Variants in GLIS3 observed in about 807,000 individuals in gnomAD.
GLIS3 encodes zinc finger protein GLIS3.
A neutral mutation model predicts 78.6 loss-of-function variants in GLIS3; 53 were observed. The observed-to-expected ratio is 0.67, with a 90% confidence interval of 0.54 to 0.85. GLIS3 has a LOEUF of 0.85. Among genes scored for constraint, GLIS3 ranks in the 40% least tolerant of loss-of-function variants. The pLI, the probability that GLIS3 is intolerant of heterozygous loss-of-function variation, is 0.00. For synonymous variants in GLIS3, 684 were observed against 509.9 expected (o/e 1.34, Z -4.60); for missense variants, 1,703 against 1,231.1 (o/e 1.38, Z -5.74).
At chr9:4,192,182 T>C (rs1208763649) in intron 2 of GLIS3, among the ~76,000 whole-genome samples, 1 of 152,238 alleles carries the variant, frequency 6.6e-6, no homozygotes, top group Non-Finnish European at 1.5e-5. Flanking sequence ...ACAATCTCTT[T>C]ATCTCCCTGC....
At position 4,118,749 on chromosome 9, in the gene GLIS3, C is replaced by T. The variant is rs377279882; in HGVS notation, c.729G>A (p.Gln243=). Residue 243 remains glutamine, a synonymous_variant, in exon 4 of 11, where the codon CAG becomes CAA. Coordinates refer to ENST00000381971, the MANE Select transcript of GLIS3 (RefSeq NM_001042413.2). The surrounding 1 kb of genome is among the most constrained non-coding windows in gnomAD (Gnocchi z 4.7). Reference sequence around the variant, plus strand: ...GGAGATCCCCTAGATCAAGGCCATTCTGAGAGCCGTGGTTGGAGAGCGAAG... The same window carrying T: ...GGAGATCCCCTAGATCAAGGCCATTTTGAGAGCCGTGGTTGGAGAGCGAAG... The part of the protein sequence containing the change: ...ALPSLSNHGS[Q]NGLDLGDLLS... 1.1e-5 allele frequency: 17 copies of T among 1,613,940 alleles called. 1 individual carries two copies. In the South Asian group the frequency reaches 1.2e-4, roughly 11 times the overall value.
chr9:4,419,456 G>T, the GLIS3 span, among the ~76,000 whole-genome samples: 1 of 152,160 alleles, frequency 6.6e-6, no homozygotes, highest in Non-Finnish European at 1.5e-5. Flanking sequence ...CAAAGTGGGA[G>T]GAGCAAGAGA....
intron 2 of GLIS3, among the ~76,000 whole-genome samples, chr9:4,187,097 T>A (rs1817876012): frequency 6.6e-6 from 1 of 152,230 alleles, no homozygotes. Flanking sequence ...TGGTAATGCC[T>A]AGGTTTTCTT....
intron 9 of GLIS3, among the ~76,000 whole-genome samples, chr9:3,835,510 C>A (rs981352554): frequency 6.6e-6 from 1 of 152,182 alleles, no homozygotes; most frequent in East Asian, 1.9e-4. Flanking sequence ...ATTCAGGGAT[C>A]CAGGCTAAGT....
the GLIS3 span, among the ~76,000 whole-genome samples, chr9:4,449,245 G>A: frequency 2.2e-4 from 33 of 152,164 alleles, no homozygotes; most frequent in African/African-American, 5.1e-4. Flanking sequence ...ATCAACCTGC[G>A]AATCAGCAGC....
chr9:4,305,873 T>C (rs1265149966), intron 4 of GLIS3: 1 of 152,156 alleles, frequency 6.6e-6, no homozygotes, highest in Non-Finnish European at 1.5e-5. Context: ...CACACCTGAT[T>C]TCTACCTGAC....
Position 4,066,571 on chromosome 9 carries a change from C to G in GLIS3, c.1710+51197G>C, listed in dbSNP as rs1827116992. Among the ~76,000 whole-genome samples, 3 of 152,222 alleles carry G rather than the reference C, an allele frequency of 2.0e-5. No individual in the cohort carries two copies. In the South Asian group the frequency reaches 6.2e-4, roughly 31 times the overall value. On this transcript the variant is annotated intron_variant, in intron 4 of 10. Transcript: ENST00000381971. Reference sequence around the variant, plus strand: ...AATGTAAAACTGTACTAAAACTCCTCCTGCTTTCATCTGAGCCTTACAGAA... The same window carrying G: ...AATGTAAAACTGTACTAAAACTCCTGCTGCTTTCATCTGAGCCTTACAGAA...
chr9:4,269,361 T>G (rs946891077), intron 2 of GLIS3, among the ~76,000 whole-genome samples: 1 of 152,212 alleles, frequency 6.6e-6, no homozygotes, highest in Non-Finnish European at 1.5e-5. Context: ...GCTTAAAACC[T>G]ATGTCCACTT....
intron 4 of GLIS3, among the ~76,000 whole-genome samples, chr9:4,079,745 A>G (rs75455763): frequency 1.8e-4 from 25 of 137,506 alleles, no homozygotes; most frequent in Admixed American, 1.5e-3. Flanking sequence ...GATGGATGTG[A>G]AAAAAAAAAA....
the GLIS3 span, among the ~76,000 whole-genome samples, chr9:4,396,909 C>T: frequency 6.6e-6 from 1 of 152,068 alleles, no homozygotes; most frequent in Non-Finnish European, 1.5e-5. Context: ...TCCTTCGCCT[C>T]GTGTTTTCTG....
intron 4 of GLIS3, among the ~76,000 whole-genome samples, chr9:4,027,957 G>A (rs949888024): frequency 2.6e-5 from 4 of 152,192 alleles, no homozygotes; most frequent in Admixed American, 2.0e-4. Flanking sequence ...CAGTGGGTGA[G>A]AGTCACGTCA....
chr9:4,192,765 C>A (rs548172244), intron 2 of GLIS3, among the ~76,000 whole-genome samples: 4 of 150,132 alleles, frequency 2.7e-5, no homozygotes, highest in East Asian at 2.0e-4. Context: ...ACTAGGGAAA[C>A]CTCTTAGTGA....
intron 2 of GLIS3, among the ~76,000 whole-genome samples, chr9:4,168,789 G>T (rs1816108576): frequency 6.6e-6 from 1 of 152,124 alleles, no homozygotes; most frequent in African/African-American, 2.4e-5. Flanking sequence ...GCCACATTGG[G>T]ATGCCTATGG....
chr9:4,253,345 G>A (rs958616417), intron 2 of GLIS3, among the ~76,000 whole-genome samples: 5 of 152,242 alleles, frequency 3.3e-5, no homozygotes, highest in Admixed American at 2.0e-4. Context: ...AGCTACAGTG[G>A]CTTTGCCAAG....
chr9:4,423,479 C>A, the GLIS3 span, among the ~76,000 whole-genome samples: 1 of 152,110 alleles, frequency 6.6e-6, no homozygotes, highest in Non-Finnish European at 1.5e-5. Flanking sequence ...AAACCACTCT[C>A]TTTCCCAATG....
chr9:4,018,730 G>A (rs1008900220), intron 4 of GLIS3, among the ~76,000 whole-genome samples: 1 of 152,108 alleles, frequency 6.6e-6, no homozygotes, highest in Non-Finnish European at 1.5e-5. Context: ...CTGGAAGGCA[G>A]GTATACACAC....
chr9:4,426,538 A>G, the GLIS3 span, among the ~76,000 whole-genome samples: 1 of 152,220 alleles, frequency 6.6e-6, no homozygotes, highest in African/African-American at 2.4e-5. Flanking sequence ...ATTCTTTAAG[A>G]CTGTGTAAAA....
At chr9:4,189,023 T>C (rs1818074353) in intron 2 of GLIS3, among the ~76,000 whole-genome samples, 1 of 152,180 alleles carries the variant, frequency 6.6e-6, no homozygotes. Flanking sequence ...TTTAGTTATT[T>C]CTTGCCTTCT....
chr9:4,359,881 C>T, the GLIS3 span, among the ~76,000 whole-genome samples: 1 of 151,478 alleles, frequency 6.6e-6, no homozygotes, highest in Non-Finnish European at 1.5e-5. Context: ...TTGTTCTATG[C>T]TGAGATGAAT....
Sources: allele counts gnomAD v4.1 joint callset (sites outside exome capture counted in the v4.1 genomes callset), GRCh38; gene constraint gnomAD v4.1.1; non-coding constraint Gnocchi (gnomAD v3.1); transcripts MANE v1.5; gene names NCBI Gene and HGNC (gene_info 2026-07-23, HGNC 2026-07-21).